Variants in CILP observed in about 807,000 individuals in gnomAD.
The protein encoded by CILP is cartilage intermediate layer protein.
CILP carries 75 observed loss-of-function variants against 82.5 expected under a neutral mutation model. The ratio of observed to expected loss-of-function variants is 0.91; its 90% confidence interval spans 0.75 to 1.10. The LOEUF (loss-of-function observed/expected upper bound fraction) is 1.10, where lower values mean the gene tolerates loss of function less well. Ranked by LOEUF, CILP falls within the 50% of genes least tolerant of loss-of-function variation. The pLI is 0.00. For synonymous variants in CILP, 530 were observed against 580.3 expected (o/e 0.91, Z 1.25); for missense variants, 1,479 against 1,530.8 (o/e 0.97, Z 0.56).
In CILP at chr15:65,203,454, C is replaced by T; in HGVS notation, c.936G>A (p.Val312=). The T allele has an allele frequency of 6.2e-7, 1 of 1,612,544 alleles. No individual in the cohort carries two copies. Among genetic ancestry groups the T allele is most frequent in the Non-Finnish European group, 8.5e-7 (1 of 1,179,898 alleles). Residue 312 remains valine, a synonymous_variant, in exon 7 of 9, where the codon GTG becomes GTA. Transcript: ENST00000261883. ...TCCGTGCTTTTGTCTCAGGGTTCAT[C>T]ACCATGTATGGAGTCTCTGGGACAG... is the stretch of plus-strand genomic sequence containing the variant. ...EFVRAETPYM[V]MNPETKARRA...
chr15:65,209,638 C>G, intron 2 of CILP, 57 bp downstream of exon 2: 1 of 1,566,458 alleles, frequency 6.4e-7, no homozygotes, highest in Non-Finnish European at 8.8e-7. Flanking sequence ...CCAGACCAGA[C>G]ACAACCTCAC....
Position 65,194,857 on chromosome 15 carries a change from A to ACCCCCCCCC in CILP, c.*1865_*1873dup, listed in dbSNP as rs1238102038. On this transcript the variant is annotated 3_prime_UTR_variant, in exon 9 of 9. Coordinates refer to ENST00000261883, the MANE Select transcript of CILP (RefSeq NM_003613.4). ...GTCAGCCCACCTTCCCCAGCAACCC[A>ACCCCCCCCC]CCCCCCCCCGACCCTCCCCCTCCCC... The ACCCCCCCCC allele has an allele frequency of 1.4e-5, 1 of 71,032 alleles. No homozygotes were observed. The highest frequency in any genetic ancestry group is 1.5e-4 in the Admixed American group (1 of 6,704). 4.4% of individuals were successfully genotyped at this position (71,032 alleles called of 1,614,324 possible).
chr15:65,203,533 G>C (rs1477632277), intron 6 of CILP, 63 bp from the exon 7 acceptor site: 1 of 1,185,018 alleles, frequency 8.4e-7, no homozygotes, highest in African/African-American at 1.5e-5. Context: ...AGGTTCTACA[G>C]AGCCTAGCTC....
chr15:65,197,019 C>T lies in CILP; in HGVS notation c.3267G>A (p.Glu1089=). Residue 1089 remains glutamate (E), a synonymous_variant, in exon 9 of 9, where the codon GAG becomes GAA. Coordinates refer to ENST00000261883, the MANE Select transcript of CILP (RefSeq NM_003613.4). ...CATCAAAGCACCGGCCGAGCGCGAT[C>T]TCCTTGGCCGTGCGAGGGTCCTGGT... is the stretch of plus-strand genomic sequence containing the variant. ...VTDQDPRTAK[E]IALGRCFDGT... 1 of 1,614,230 alleles carries T rather than the reference C, an allele frequency of 6.2e-7. No individual in the cohort carries two copies. The highest frequency in any genetic ancestry group is 8.5e-7 in the Non-Finnish European group (1 of 1,180,048).
At position 65,196,746 on chromosome 15, in the gene CILP, C is replaced by T. The variant is rs746518398; in HGVS notation, c.3540G>A (p.Gln1180=). The change falls in exon 9 of 9, where the codon CAG becomes CAA. Residue 1180 remains glutamine, a synonymous_variant. Coordinates refer to ENST00000261883, the MANE Select transcript of CILP (RefSeq NM_003613.4). The stretch of plus-strand genomic sequence containing the variant: ...ACCACAAAACTTAGTTGATCAGGGG[C>T]TGTTGAGCAACTCTAGGAAATCTCA... ...ASLRFPRVAQ[Q]PLIN The T allele has an allele frequency of 5.2e-6, 8 of 1,539,422 alleles. No homozygotes were observed. The Admixed American group carries it at 5.9e-5, about 11-fold the overall frequency.
intron 8 of CILP, among the ~76,000 whole-genome samples, chr15:65,201,071 G>C (rs1439698915): frequency 6.6e-6 from 1 of 151,754 alleles, no homozygotes; most frequent in Non-Finnish European, 1.5e-5. Context: ...GCGTGAACTC[G>C]GCTCACTGCA....
rs371987972 is a variant in CILP, at chr15:65,205,457, C to G, written c.434G>C (p.Arg145Pro). Residue 145 changes from arginine to proline, a missense_variant, in exon 5 of 9, where the codon CGC becomes CCC. Coordinates refer to ENST00000261883, the MANE Select transcript of CILP (RefSeq NM_003613.4). ...GCTCCAGATGCGCTCTGTGTCTCGG[C>G]GCAGGGATCCTGCAAAGTGAGATCA... is the stretch of plus-strand genomic sequence containing the variant. ...VRFLCPPGSLRRDTERIWSPW... is the reference protein window; with the variant it reads ...VRFLCPPGSLPRDTERIWSPW... 5 of 1,606,154 alleles carry G rather than the reference C, an allele frequency of 3.1e-6. No homozygotes were observed. Among genetic ancestry groups the G allele is most frequent in the Non-Finnish European group, 4.3e-6 (5 of 1,174,168 alleles).
intron 7 of CILP, 95 bp downstream of exon 7, chr15:65,203,267 G>T: frequency 1.2e-6 from 1 of 809,636 alleles, no homozygotes. Context: ...ACTTTATTCT[G>T]TTGGTTATTG....
chr15:65,206,849 G>A lies in CILP; in HGVS notation c.357C>T (p.Cys119=). The change falls in exon 4 of 9, where the codon TGC becomes TGT. Residue 119 remains cysteine (C), a synonymous_variant. Transcript: ENST00000261883. Reference sequence around the variant, plus strand: ...GGCCAGGCCGCTGCTCCCTGTTGAGGCACCAGAAACCCTCACGGGGACTAC... The same window carrying A: ...GGCCAGGCCGCTGCTCCCTGTTGAGACACCAGAAACCCTCACGGGGACTAC... ...VHGSPREGFW[C]LNREQRPGQN... The A allele has an allele frequency of 6.2e-7, 1 of 1,614,050 alleles. No homozygotes were observed. Among genetic ancestry groups the A allele is most frequent in the South Asian group, 1.1e-5 (1 of 91,084 alleles).
rs201162575 is a variant in CILP at position 65,198,752 on chromosome 15, T to C, written c.1534A>G (p.Met512Val). 3 of 1,614,218 alleles carry C rather than the reference T, an allele frequency of 1.9e-6. No individual in the cohort carries two copies. Among genetic ancestry groups the C allele is most frequent in the African/African-American group, 1.3e-5 (1 of 75,068 alleles). ...GEPMRFGHVY[M>V]GNSRVSMTGY... ...GTCATGCTTACACGGCTGTTCCCCA[T>C]GTACACATGGCCAAAGCGCATGGGC... The change falls in exon 9 of 9, where the codon ATG becomes GTG. Residue 512 changes from methionine to valine, a missense_variant. Transcript: ENST00000261883.
Position 65,195,016 on chromosome 15 carries a change from G to A in CILP, c.*1715C>T, listed in dbSNP as rs2088345968. ...AGTCAAGCCTCCCCAAGCAGTCAGT[G>A]AGAGCTGCTTCCTGGGAGCAGTGGG... On this transcript the variant is annotated 3_prime_UTR_variant, in exon 9 of 9. Transcript: ENST00000261883. 1 of 152,254 alleles carries A rather than the reference G, an allele frequency of 6.6e-6. No individual in the cohort carries two copies. The highest frequency in any genetic ancestry group is 6.5e-5 in the Admixed American group (1 of 15,278). 9.4% of individuals were successfully genotyped at this position (152,254 alleles called of 1,614,324 possible).
intron 4 of CILP, among the ~76,000 whole-genome samples, chr15:65,206,099 TG>T (rs2140681341): frequency 6.6e-6 from 1 of 152,294 alleles, no homozygotes; most frequent in African/African-American, 2.4e-5. Flanking sequence ...GGGATATAAA[TG>T]CATAGACTCT....
chr15:65,207,038 C>G lies in CILP; in HGVS notation c.168G>C (p.Trp56Cys). 6.2e-7 allele frequency: 1 copy of G among 1,612,888 alleles called. No homozygotes were observed. Among genetic ancestry groups the G allele is most frequent in the Non-Finnish European group, 8.5e-7 (1 of 1,179,604 alleles). The change falls in exon 4 of 9, where the codon TGG (tryptophan) becomes TGC (cysteine). Residue 56 changes from tryptophan to cysteine, a missense_variant. Physicochemically the swap from Trp to Cys is radical, Grantham distance 215. Coordinates refer to ENST00000261883, the MANE Select transcript of CILP (RefSeq NM_003613.4). ...GGTAGTCGATGTTGAACCATGTTGT[C>G]CACTCACCAGGGCCTGAGAGACATA... ...PADTLESPGE[W>C]TTWFNIDYPG...
Position 65,198,770 on chromosome 15 carries a change from G to A in CILP, c.1516C>T (p.Arg506Cys), listed in dbSNP as rs370038983. Residue 506 changes from arginine to cysteine, a missense_variant, in exon 9 of 9, where the codon CGC becomes TGC. By Grantham distance (180) the Arg-to-Cys change is radical. Coordinates refer to ENST00000261883, the MANE Select transcript of CILP (RefSeq NM_003613.4). ...TTCCCCATGTACACATGGCCAAAGC[G>A]CATGGGCTCCCCATTGTCAGCAGCA... ...VSAADNGEPM[R>C]FGHVYMGNSR... The A allele has an allele frequency of 1.2e-5, 19 of 1,613,982 alleles. No homozygotes were observed. The highest frequency in any genetic ancestry group is 8.3e-5 in the Admixed American group (5 of 59,998).
At position 65,196,981 on chromosome 15, in the gene CILP, C is replaced by G. The variant is rs143954511; in HGVS notation, c.3305G>C (p.Gly1102Ala). ...ATTGCTCTTCATGATTCTGGAGGAG[C>G]CATCGGATGTGCCATCAAAGCACCG... ...LGRCFDGTSD[G>A]SSRIMKSNVG... The change falls in exon 9 of 9, where the codon GGC becomes GCC. Residue 1102 changes from glycine (G) to alanine (A), a missense_variant. Transcript: ENST00000261883. 2 of 1,614,112 alleles carry G rather than the reference C, an allele frequency of 1.2e-6. No homozygotes were observed. The highest frequency in any genetic ancestry group is 8.5e-7 in the Non-Finnish European group (1 of 1,179,992).
chr15:65,197,458 GC>G lies in CILP; in HGVS notation c.2827del (p.Ala943HisfsTer16). The G allele has an allele frequency of 6.2e-7, 1 of 1,614,222 alleles. No individual in the cohort carries two copies. The highest frequency in any genetic ancestry group is 1.1e-5 in the South Asian group (1 of 91,082). On this transcript the variant is annotated frameshift_variant, in exon 9 of 9. Coordinates refer to ENST00000261883, the MANE Select transcript of CILP (RefSeq NM_003613.4). LOFTEE classifies it high-confidence loss of function. Reference protein sequence around the residue: ...DPMSWTEDYLAWWPKPMEFRA... With the variant: ...DPMSWTEDYLXWWPKPMEFRA... ...GAATTCCATCGGCTTTGGCCACCAT[GC>G]CAGATAGTCTTCAGTCCAGCTCATA...
At chr15:65,201,747 A>AAAT in intron 8 of CILP, 125 bp downstream of exon 8, 1 of 385,644 alleles carries the variant, frequency 2.6e-6, no homozygotes, top group Non-Finnish European at 4.0e-6. Context: ...AAAAAAAAAA[A>AAAT]AAAGAAAGAA....
chr15:65,209,549 A>G, intron 2 of CILP, 146 bp downstream of exon 2: 1 of 670,554 alleles, frequency 1.5e-6, no homozygotes, highest in Admixed American at 2.6e-5. Flanking sequence ...CAAACAGGGT[A>G]TAAATTACGA....
At position 65,204,579 on chromosome 15, in the gene CILP, C is replaced by T. The variant is rs2088496939; in HGVS notation, c.608G>A (p.Cys203Tyr). Residue 203 changes from cysteine (C) to tyrosine (Y), a missense_variant, in exon 6 of 9, where the codon TGT becomes TAT. Coordinates refer to ENST00000261883, the MANE Select transcript of CILP (RefSeq NM_003613.4). ...QHCMGQDCTA[C>Y]DLTCPMGQVN... ...CTGGCCCATTGGGCAGGTCAGGTCA[C>T]AGGCTGTGGAACAAGGGGCCATATC... 3 of 1,593,752 alleles carry T rather than the reference C, an allele frequency of 1.9e-6. No homozygotes were observed. The highest frequency in any genetic ancestry group is 1.4e-5 in the African/African-American group (1 of 73,760).
Sources: gnomAD v4.1 joint callset for allele counts (sites outside exome capture counted in the v4.1 genomes callset) on GRCh38, gnomAD v4.1.1 for gene constraint, MANE v1.5 for transcripts, NCBI Gene and HGNC (gene_info 2026-07-23, HGNC 2026-07-21) for gene names.